The following SHISA9 variants were observed in gnomAD, a reference collection of about 807,000 sequenced individuals.
SHISA9 encodes protein shisa-9.
A neutral mutation model predicts 38.0 loss-of-function variants in SHISA9; 13 were observed. That is an observed-to-expected ratio of 0.34 (90% CI 0.22 to 0.54). The LOEUF is 0.54. Among genes scored for constraint, SHISA9 ranks in the 20% least tolerant of loss-of-function variants. The probability of loss-of-function intolerance (pLI) is 0.91; values close to 1 mark genes in which losing one functional copy is unlikely to be tolerated. For synonymous variants in SHISA9, 275 were observed against 242.0 expected, an observed-to-expected ratio of 1.14 and a Z score of -1.27; for missense variants, 538 against 575.8, an observed-to-expected ratio of 0.93 and a Z score of 0.67.
the SHISA9 span, among the ~76,000 whole-genome samples, chr16:13,351,995 C>T: frequency 3.9e-5 from 6 of 152,062 alleles, no homozygotes; most frequent in Non-Finnish European, 7.4e-5. Context: ...GGCTCCTGCC[C>T]GAATAGAATG....
chr16:13,302,057 A>G, the SHISA9 span, among the ~76,000 whole-genome samples: 1 of 152,136 alleles, frequency 6.6e-6, no homozygotes, highest in South Asian at 2.1e-4. Flanking sequence ...GCAGAGACAG[A>G]AGGCATTAGA....
At chr16:13,008,657 C>CCCTCCCTT (rs201073970) in intron 2 of SHISA9, among the ~76,000 whole-genome samples, 2 of 84,330 alleles carry the variant, frequency 2.4e-5, no homozygotes, top group Non-Finnish European at 2.4e-5. Flanking sequence ...CTCCCTCCCT[C>CCCTCCCTT]CCTCCCTTCC....
intron 2 of SHISA9, among the ~76,000 whole-genome samples, chr16:13,171,845 A>C (rs2050689461): frequency 6.6e-6 from 1 of 152,146 alleles, no homozygotes; most frequent in Admixed American, 6.5e-5. Context: ...CATATGATAA[A>C]ATTGCAACAT....
chr16:13,491,817 C>CTT, the SHISA9 span, among the ~76,000 whole-genome samples: 9 of 46,926 alleles, frequency 1.9e-4, 1 homozygote, highest in East Asian at 5.5e-4. Flanking sequence ...TATTTATTGA[C>CTT]CTTTTTTTTT....
In SHISA9 at chr16:13,072,495, C is replaced by G. The variant is rs550659592; in HGVS notation, c.692-130899C>G. On this transcript the variant is annotated intron_variant, in intron 2 of 4. Transcript: ENST00000558583. Reference sequence around the variant, plus strand: ...CGGAGGCCTTCCTGCTGTCTTGTGCCCATCACACATCCCATCTGGGTCACT... The same window carrying G: ...CGGAGGCCTTCCTGCTGTCTTGTGCGCATCACACATCCCATCTGGGTCACT... 6.6e-5 allele frequency among the ~76,000 whole-genome samples: 10 copies of G among 152,234 alleles called. No individual in the cohort carries two copies. In the East Asian group the frequency reaches 1.2e-3, roughly 18 times the overall value.
chr16:13,204,134 TTATC>T (rs60916250), intron 3 of SHISA9, among the ~76,000 whole-genome samples: 6,961 of 149,288 alleles, frequency 0.047, 236 homozygotes, highest in Middle Eastern at 0.08. Context: ...TAACTACCTA[TTATC>T]TATCTATCTA....
At chr16:13,256,825 G>A in the SHISA9 span, among the ~76,000 whole-genome samples, 1 of 152,204 alleles carries the variant, frequency 6.6e-6, no homozygotes, top group South Asian at 2.1e-4. Context: ...AATAGTTTAT[G>A]ATTTGAAAGT....
the SHISA9 span, among the ~76,000 whole-genome samples, chr16:13,373,848 T>C: frequency 0.27 from 40,412 of 151,690 alleles, 6,778 homozygotes; most frequent in East Asian, 0.53. Context: ...GTACATGCAG[T>C]GTTTAGCACA....
chr16:13,019,894 T>C (rs1230105201), intron 2 of SHISA9, among the ~76,000 whole-genome samples: 12 of 20,824 alleles, frequency 5.8e-4, no homozygotes, highest in South Asian at 2.0e-3. Flanking sequence ...CTTCTTTCTT[T>C]CTTTCTTTCT....
chr16:13,435,953 C>T, the SHISA9 span, among the ~76,000 whole-genome samples: 1 of 152,150 alleles, frequency 6.6e-6, no homozygotes, highest in Non-Finnish European at 1.5e-5. Flanking sequence ...ATGGCTTTAG[C>T]ATAACTTGAG....
intron 2 of SHISA9, among the ~76,000 whole-genome samples, chr16:13,167,492 A>G (rs1051442289): frequency 6.6e-6 from 1 of 152,000 alleles, no homozygotes; most frequent in African/African-American, 2.4e-5. Flanking sequence ...CGTGGTCTGG[A>G]TGTGTGTCCC....
the SHISA9 span, among the ~76,000 whole-genome samples, chr16:13,541,430 C>T: frequency 6.6e-6 from 1 of 152,320 alleles, no homozygotes; most frequent in African/African-American, 2.4e-5. Flanking sequence ...TTTGCCTGAA[C>T]CCAGCCTTAA....
At chr16:13,307,040 T>C in the SHISA9 span, among the ~76,000 whole-genome samples, 1 of 152,216 alleles carries the variant, frequency 6.6e-6, no homozygotes, top group Non-Finnish European at 1.5e-5. Context: ...GTTTCTATGG[T>C]ATTAAGAAAT....
chr16:13,084,687 A>G (rs2073691115), intron 2 of SHISA9, among the ~76,000 whole-genome samples: 1 of 152,190 alleles, frequency 6.6e-6, no homozygotes, highest in South Asian at 2.1e-4. Context: ...TGTTGTGTGA[A>G]CATATGACTG....
At chr16:13,507,502 A>G in the SHISA9 span, among the ~76,000 whole-genome samples, 1 of 152,166 alleles carries the variant, frequency 6.6e-6, no homozygotes, top group Non-Finnish European at 1.5e-5. Flanking sequence ...CCAGATGCAG[A>G]CTTCCCAGCC....
At chr16:12,971,994 G>T (rs1199607109) in intron 2 of SHISA9, among the ~76,000 whole-genome samples, 3 of 150,792 alleles carry the variant, frequency 2.0e-5, no homozygotes, top group Admixed American at 2.0e-4. Context: ...TAGACATTGG[G>T]GATATGGTTA....
the SHISA9 span, among the ~76,000 whole-genome samples, chr16:13,460,545 G>A: frequency 6.6e-6 from 1 of 152,178 alleles, no homozygotes; most frequent in Non-Finnish European, 1.5e-5. Context: ...CAAAGCCCAT[G>A]AGTTTTCTAG....
intron 4 of SHISA9, among the ~76,000 whole-genome samples, chr16:13,231,072 A>G (rs2051327456): frequency 1.3e-5 from 2 of 152,316 alleles, no homozygotes; most frequent in African/African-American, 4.8e-5. Flanking sequence ...CTGGGAATGC[A>G]GCCCAGTAGG....
chr16:13,542,025 C>A, the SHISA9 span, among the ~76,000 whole-genome samples: 2 of 152,052 alleles, frequency 1.3e-5, no homozygotes, highest in East Asian at 3.9e-4. Context: ...GGACCCTAAA[C>A]CCAGTGAATA....
Sources: gnomAD v4.1 joint callset for allele counts (sites outside exome capture counted in the v4.1 genomes callset) on GRCh38, gnomAD v4.1.1 for gene constraint, MANE v1.5 for transcripts, NCBI Gene and HGNC (gene_info 2026-07-23, HGNC 2026-07-21) for gene names.